Variants in NOTCH4 observed in about 807,000 individuals in gnomAD.
The protein encoded by NOTCH4 is neurogenic locus notch homolog protein 4.
Under a neutral mutation model 189.0 loss-of-function variants are expected in NOTCH4, and 138 were observed. The ratio of observed to expected loss-of-function variants is 0.73; its 90% confidence interval spans 0.64 to 0.84. The LOEUF (loss-of-function observed/expected upper bound fraction) is 0.84. Among genes scored for constraint, NOTCH4 ranks in the 40% least tolerant of loss-of-function variants. The pLI is 0.00. For missense variants in NOTCH4, 2,286 were observed against 2,605.4 expected (o/e 0.88, Z 2.67); for synonymous variants, 942 against 1,032.8 (o/e 0.91, Z 1.69).
chr6:32,195,570 C>A lies in NOTCH4; in HGVS notation c.5879G>T (p.Gly1960Val). The A allele has an allele frequency of 6.2e-7, 1 of 1,613,144 alleles. No homozygotes were observed. Among genetic ancestry groups the A allele is most frequent in the Non-Finnish European group, 8.5e-7 (1 of 1,180,048 alleles). Residue 1960 changes from glycine to valine, a missense_variant, in exon 30 of 30, where the codon GGT (glycine) becomes GTT (valine). Transcript: ENST00000375023. The surrounding 1 kb of genome is among the most constrained non-coding windows in gnomAD (Gnocchi z 5.4). Reference protein sequence around the residue: ...PCDWVALGACGSASNIPIPPP... With the variant: ...PCDWVALGACVSASNIPIPPP... ...CGGGATCGGAATGTTGGAGGCAGAA[C>A]CGCAAGCTCCCAGGGCCACCCAATC...
rs1788009022 is a variant in NOTCH4, at chr6:32,197,291, G to T, written c.5052+8C>A. On this transcript the variant is annotated splice_region_variant and intron_variant, in intron 27 of 29. Coordinates refer to ENST00000375023, the MANE Select transcript of NOTCH4 (RefSeq NM_004557.4). ...CCATTCCCTGTAGGGACCTCAGTGT[G>T]TGCTAACCTGGCAGACCTCCCGAGC... 6.6e-7 allele frequency: 1 copy of T among 1,522,548 alleles called. No homozygotes were observed. Among genetic ancestry groups the T allele is most frequent in the African/African-American group, 1.4e-5 (1 of 72,324 alleles). 94.3% of individuals were successfully genotyped at this position (1,522,548 alleles called of 1,614,324 possible).
rs755035712 is a variant in NOTCH4, at chr6:32,217,176, G to A, written c.1715C>T (p.Ala572Val). The change falls in exon 10 of 30, where the codon GCC (alanine) becomes GTC (valine). Residue 572 changes from alanine to valine, a missense_variant. By Grantham distance (64) the Ala-to-Val change is moderately conservative (BLOSUM62 0). Around this residue, in one of 2 missense-constraint regions of NOTCH4, gnomAD observed 1,903 missense variants for 2,261.9 expected, o/e 0.84. Transcript: ENST00000375023. The surrounding 1 kb of genome is among the most constrained non-coding windows in gnomAD (Gnocchi z 4.2). ...NGGQCQDQPG[A>V]FHCKCLPGFE... ...ACCTGGGAGACACTTGCAGTGGAAG[G>A]CTCCAGGCTGGTCCTGGCACTGCCC... 1.7e-5 allele frequency: 27 copies of A among 1,612,830 alleles called. No individual in the cohort carries two copies. Among genetic ancestry groups the A allele is most frequent in the Non-Finnish European group, 2.2e-5 (26 of 1,179,910 alleles).
At position 32,196,493 on chromosome 6, in the gene NOTCH4, C is replaced by G. The variant is rs1412999845; in HGVS notation, c.5201-72G>C. Reference sequence around the variant, plus strand: ...CCTGGGTTCCGGTTTCCCACGGGTTCTGGCCTTGGGGGAAGGGCTATTCGG... The same window carrying G: ...CCTGGGTTCCGGTTTCCCACGGGTTGTGGCCTTGGGGGAAGGGCTATTCGG... On this transcript the variant is annotated intron_variant, in intron 28 of 29. Coordinates refer to ENST00000375023, the MANE Select transcript of NOTCH4 (RefSeq NM_004557.4). 4 of 1,575,486 alleles carry G rather than the reference C, an allele frequency of 2.5e-6. No individual in the cohort carries two copies. The South Asian group carries it at 4.6e-5, about 18-fold the overall frequency.
Position 32,212,887 on chromosome 6 carries a change from GCAGGTTGCCCTATTCCTA to G in NOTCH4, c.2445_2462del (p.Arg816_Cys821del). ...AGCGGGGACCCTGAGGGCTGTCCTG[GCAGGTTGCCCTATTCCTA>G]CAGGGGCTGAACAAGACAGAGACAG... On this transcript the variant is annotated inframe_deletion, in exon 16 of 30. Coordinates refer to ENST00000375023, the MANE Select transcript of NOTCH4 (RefSeq NM_004557.4). This position sits in a 1 kb window ranked among gnomAD's most constrained non-coding sequence, Gnocchi z 4.4. 2.6e-6 allele frequency: 4 copies of G among 1,557,922 alleles called. No individual in the cohort carries two copies. Among genetic ancestry groups the G allele is most frequent in the Non-Finnish European group, 3.5e-6 (4 of 1,150,492 alleles).
At position 32,222,546 on chromosome 6, in the gene NOTCH4, C is replaced by T. The variant is rs1302878572; in HGVS notation, c.416G>A (p.Gly139Asp). ...AGGCATGCAGGAGCACTGTGGGCGG[C>T]CCGAGGCCTGGATGTGGCAGCGGCC... Reference protein sequence around the residue: ...KRGRCHIQASGRPQCSCMPGW... With the variant: ...KRGRCHIQASDRPQCSCMPGW... Residue 139 changes from glycine to aspartate, a missense_variant, in exon 3 of 30, where the codon GGC (glycine) becomes GAC (aspartate). Around this residue, in one of 2 missense-constraint regions of NOTCH4, gnomAD observed 1,903 missense variants for 2,261.9 expected, o/e 0.84. Coordinates refer to ENST00000375023, the MANE Select transcript of NOTCH4 (RefSeq NM_004557.4). 2 of 1,565,802 alleles carry T rather than the reference C, an allele frequency of 1.3e-6. No homozygotes were observed. Among genetic ancestry groups the T allele is most frequent in the Non-Finnish European group, 1.7e-6 (2 of 1,160,728 alleles).
Position 32,212,769 on chromosome 6 carries a change from G to T in NOTCH4, c.2526+55C>A. The T allele has an allele frequency of 1.4e-6, 2 of 1,464,818 alleles. No individual in the cohort carries two copies. Among genetic ancestry groups the T allele is most frequent in the South Asian group, 2.7e-5 (2 of 73,048 alleles). The allele number at this position is 1,464,818 out of a possible 1,614,324, so 90.7% of individuals were successfully genotyped here. On this transcript the variant is annotated intron_variant, in intron 16 of 29. Transcript: ENST00000375023. The surrounding 1 kb of genome is among the most constrained non-coding windows in gnomAD (Gnocchi z 4.4). The stretch of plus-strand genomic sequence containing the variant: ...GGCCTGGGACCAGGTGACCCTCCCT[G>T]GTTTCCCTCCCAGCCACTTCCCTCC...
Position 32,201,275 on chromosome 6 carries a change from G to A in NOTCH4, c.3981C>T (p.Leu1327=). Residue 1327 remains leucine (L), a synonymous_variant, in exon 22 of 30, where the codon CTC becomes CTT. Coordinates refer to ENST00000375023, the MANE Select transcript of NOTCH4 (RefSeq NM_004557.4). This position sits in a 1 kb window ranked among gnomAD's most constrained non-coding sequence, Gnocchi z 5.5. ...TGCCATCACGATCCTTCCTTACCCA[G>A]AGTCCTACCCTCAGAGTCAGGGACA... The part of the protein sequence containing the change: ...RVLSLTLRVG[L]WVRKDRDGRD... The A allele has an allele frequency of 6.2e-7, 1 of 1,613,014 alleles. No individual in the cohort carries two copies. Among genetic ancestry groups the A allele is most frequent in the Non-Finnish European group, 8.5e-7 (1 of 1,180,012 alleles).
At chr6:32,214,367 C>T in intron 12 of NOTCH4, 112 bp from the exon 13 acceptor site, 1 of 1,227,098 alleles carries the variant, frequency 8.1e-7, no homozygotes, top group East Asian at 2.4e-5. Context: ...AGATTCTGGC[C>T]TCTTTCTTCA....
intron 18 of NOTCH4, among the ~76,000 whole-genome samples, chr6:32,206,464 AT>A (rs1273470360): frequency 6.6e-6 from 1 of 152,148 alleles, no homozygotes; most frequent in Non-Finnish European, 1.5e-5. Context: ...GTTACAAAAA[AT>A]AAAAACAAAT....
At position 32,200,271 on chromosome 6, in the gene NOTCH4, C is replaced by T. The variant is rs372598914; in HGVS notation, c.4315+560G>A. Among the ~76,000 whole-genome samples the T allele has an allele frequency of 2.9e-4, 43 of 150,616 alleles. 1 individual carries two copies. In the East Asian group the frequency reaches 4.3e-3, roughly 15 times the overall value. ...TGTCGCCCAGGCTGGAGTGCAGTGG[C>T]GCGATCTCGGCTCACTGCAAGCTCC... On this transcript the variant is annotated intron_variant, in intron 23 of 29. Coordinates refer to ENST00000375023, the MANE Select transcript of NOTCH4 (RefSeq NM_004557.4). The surrounding 1 kb of genome is among the most constrained non-coding windows in gnomAD (Gnocchi z 5.0).
chr6:32,213,078 A>G, intron 15 of NOTCH4, 57 bp downstream of exon 15: 2 of 1,273,330 alleles, frequency 1.6e-6, no homozygotes, highest in Admixed American at 1.7e-5. Flanking sequence ...AGATGAGAGG[A>G]GGGGTGGGAA....
rs1230098280 is a variant in NOTCH4 at position 32,210,605 on chromosome 6, C to T, written c.2865+147G>A. ...GAGAAAACTTCAGGAGATAAAGTGG[C>T]ATGACTTTGTGGTTAGTTGGGTGTG... On this transcript the variant is annotated intron_variant, in intron 18 of 29. Transcript: ENST00000375023. The surrounding 1 kb of genome is among the most constrained non-coding windows in gnomAD (Gnocchi z 4.8). 2.7e-6 allele frequency: 2 copies of T among 732,150 alleles called. No individual in the cohort carries two copies. The highest frequency in any genetic ancestry group is 2.7e-5 in the East Asian group (1 of 37,076). 45.4% of individuals were successfully genotyped at this position (732,150 alleles called of 1,614,324 possible).
In NOTCH4 at chr6:32,222,749, G is replaced by A. The variant is rs769459737; in HGVS notation, c.213C>T (p.Ala71=). The change falls in exon 3 of 30, where the codon GCC becomes GCT. Residue 71 remains alanine (A), a synonymous_variant. Transcript: ENST00000375023. ...TCQFPDPCQN[A]QLCQNGGSCQ... is the part of the protein sequence containing the mutation. ...AGCTGCCTCCATTTTGGCAGAGCTG[G>A]GCGTTCTGGCAGGGGTCAGGAAACT... The A allele has an allele frequency of 4.9e-5, 79 of 1,612,508 alleles. No individual in the cohort carries two copies. Among genetic ancestry groups the A allele is most frequent in the Non-Finnish European group, 6.2e-5 (73 of 1,179,394 alleles).
Position 32,200,929 on chromosome 6 carries a change from C to T in NOTCH4, c.4217G>A (p.Gly1406Glu). The T allele has an allele frequency of 6.2e-7, 1 of 1,607,622 alleles. No individual in the cohort carries two copies. The highest frequency in any genetic ancestry group is 1.1e-5 in the South Asian group (1 of 90,326). ...CGCAGCAAGGAAGCGGAGTAGAAGC[C>T]CAGGGTCCCAGGGACAGCGGGATGC... ...HPASRCPWDP[G>E]LLLRFLAAMA... The change falls in exon 23 of 30, where the codon GGG (glycine) becomes GAG (glutamate). Residue 1406 changes from glycine (G) to glutamate (E), a missense_variant. Physicochemically the swap from Gly to Glu is moderately conservative, Grantham distance 98. Coordinates refer to ENST00000375023, the MANE Select transcript of NOTCH4 (RefSeq NM_004557.4). The surrounding 1 kb of genome is among the most constrained non-coding windows in gnomAD (Gnocchi z 5.0).
In NOTCH4 at chr6:32,195,565, C is replaced by T. The variant is rs2127457841; in HGVS notation, c.5884G>A (p.Ala1962Thr). ...DWVALGACGS[A>T]SNIPIPPPCL... is the part of the protein sequence containing the mutation. ...GGAGGCGGGATCGGAATGTTGGAGG[C>T]AGAACCGCAAGCTCCCAGGGCCACC... Residue 1962 changes from alanine (A) to threonine (T), a missense_variant, in exon 30 of 30, where the codon GCC (alanine) becomes ACC (threonine). Ala to Thr is a moderately conservative substitution (Grantham distance 58, BLOSUM62 0). This residue lies in a region of NOTCH4 where 383 missense variants were observed against 343.5 expected (regional missense o/e 1.11). Transcript: ENST00000375023. The surrounding 1 kb of genome is among the most constrained non-coding windows in gnomAD (Gnocchi z 5.4). 8 of 1,613,134 alleles carry T rather than the reference C, an allele frequency of 5.0e-6. No individual in the cohort carries two copies. Among genetic ancestry groups the T allele is most frequent in the Non-Finnish European group, 5.9e-6 (7 of 1,180,044 alleles).
chr6:32,212,672 C>G lies in NOTCH4; in HGVS notation c.2527-45G>C. 1 of 1,579,866 alleles carries G rather than the reference C, an allele frequency of 6.3e-7. No individual in the cohort carries two copies. The highest frequency in any genetic ancestry group is 8.6e-7 in the Non-Finnish European group (1 of 1,162,728). ...GTGAGGCAGGACATAGCATCAGATT[C>G]TCAGCCCAGAGATGGTCCTCTGCCC... On this transcript the variant is annotated intron_variant, in intron 16 of 29. Coordinates refer to ENST00000375023, the MANE Select transcript of NOTCH4 (RefSeq NM_004557.4). The surrounding 1 kb of genome is among the most constrained non-coding windows in gnomAD (Gnocchi z 4.4).
intron 18 of NOTCH4, among the ~76,000 whole-genome samples, chr6:32,207,638 C>G (rs200391889): frequency 4.9e-4 from 61 of 123,430 alleles, no homozygotes; most frequent in Admixed American, 1.4e-3. Context: ...TCCCCCCCCC[C>G]CAAAAAAAAA....
At chr6:32,207,003 C>T (rs977507807) in intron 18 of NOTCH4, among the ~76,000 whole-genome samples, 1 of 151,052 alleles carries the variant, frequency 6.6e-6, no homozygotes, top group East Asian at 2.0e-4. Context: ...CGATCTGGCT[C>T]ACTGCAACCT....
chr6:32,194,979 G>A lies in NOTCH4; in HGVS notation c.*458C>T, dbSNP rs1437238232. 5.4e-5 allele frequency: 13 copies of A among 239,050 alleles called. No individual in the cohort carries two copies. Among genetic ancestry groups the A allele is most frequent in the Non-Finnish European group, 1.1e-4 (13 of 122,134 alleles). 14.8% of individuals were successfully genotyped at this position (239,050 alleles called of 1,614,324 possible). ...GGAGGGAATGCAAGGAGTCATCAGCGGGGGTGGCCCTTGGCCACTTTTCAG... is the reference window on the plus strand; with the variant it reads ...GGAGGGAATGCAAGGAGTCATCAGCAGGGGTGGCCCTTGGCCACTTTTCAG... On this transcript the variant is annotated 3_prime_UTR_variant, in exon 30 of 30. Transcript: ENST00000375023. The surrounding 1 kb of genome is among the most constrained non-coding windows in gnomAD (Gnocchi z 4.5).
Sources: allele counts gnomAD v4.1 joint callset (sites outside exome capture counted in the v4.1 genomes callset), GRCh38; gene constraint gnomAD v4.1.1; regional missense constraint gnomAD v4.1.1; non-coding constraint Gnocchi (gnomAD v3.1); transcripts MANE v1.5; gene names NCBI Gene and HGNC (gene_info 2026-07-23, HGNC 2026-07-21).